CBFA2T2: variants seen among roughly 807,000 people sequenced by gnomAD.
The protein encoded by CBFA2T2 is CBFA2/RUNX1 partner transcriptional co-repressor 2, also known as protein CBFA2T2.
In CBFA2T2, 11 loss-of-function variants were observed where a neutral mutation model predicts 62.2. The ratio of observed to expected loss-of-function variants is 0.18; its 90% confidence interval spans 0.11 to 0.29. The LOEUF is 0.29. CBFA2T2 is among the 10% of genes least tolerant of loss of function. The pLI is 1.00. For synonymous variants in CBFA2T2, 295 were observed against 287.5 expected (o/e 1.03, Z -0.27); for missense variants, 592 against 774.1 (o/e 0.76, Z 2.79).
chr20:33,511,175 ATTGC>A (rs1279787648), intron 1 of CBFA2T2, among the ~76,000 whole-genome samples: 1 of 152,046 alleles, frequency 6.6e-6, no homozygotes, highest in African/African-American at 2.4e-5. Flanking sequence ...TTTTGTTGCC[ATTGC>A]TTTTGGTGTT....
intron 1 of CBFA2T2, among the ~76,000 whole-genome samples, chr20:33,570,939 C>A (rs897013613): frequency 2.6e-5 from 4 of 152,176 alleles, no homozygotes; most frequent in Non-Finnish European, 4.4e-5. Context: ...AGAAGCATGG[C>A]AAATAACCAC....
chr20:33,550,183 G>A (rs1218302384), intron 1 of CBFA2T2, among the ~76,000 whole-genome samples: 1 of 152,126 alleles, frequency 6.6e-6, no homozygotes, highest in Admixed American at 6.5e-5. Flanking sequence ...GGATGGGACA[G>A]GATGGTGAAA....
At chr20:33,508,281 G>A (rs1200341563) in intron 1 of CBFA2T2, among the ~76,000 whole-genome samples, 3 of 152,074 alleles carry the variant, frequency 2.0e-5, no homozygotes. Context: ...TTTTGGTAGA[G>A]ATGGAGTTTC....
chr20:33,508,542 G>A (rs2011445360), intron 1 of CBFA2T2, among the ~76,000 whole-genome samples: 1 of 152,042 alleles, frequency 6.6e-6, no homozygotes, highest in Admixed American at 6.6e-5. Flanking sequence ...TATTAGCCTA[G>A]TACCTGTTAT....
chr20:33,642,068 A>T (rs1056296922), intron 10 of CBFA2T2, among the ~76,000 whole-genome samples: 1 of 148,896 alleles, frequency 6.7e-6, no homozygotes, highest in African/African-American at 2.5e-5. Flanking sequence ...TAGTTTCTTT[A>T]ATCCCCCTCC....
intron 1 of CBFA2T2, among the ~76,000 whole-genome samples, chr20:33,576,294 C>T (rs2013823318): frequency 6.6e-6 from 1 of 152,198 alleles, no homozygotes; most frequent in Middle Eastern, 3.4e-3. Flanking sequence ...TAGCAGAGGT[C>T]TCATCTTAAT....
chr20:33,534,685 C>T (rs1234418708), intron 1 of CBFA2T2, among the ~76,000 whole-genome samples: 1 of 148,394 alleles, frequency 6.7e-6, no homozygotes, highest in East Asian at 2.0e-4. Context: ...CAGCGTATTA[C>T]TTGTCTATTT....
chr20:33,529,846 G>A (rs1040249064), intron 1 of CBFA2T2, among the ~76,000 whole-genome samples: 1 of 148,018 alleles, frequency 6.8e-6, no homozygotes, highest in Non-Finnish European at 1.5e-5. Flanking sequence ...GTGCAGTGGT[G>A]CAATCTGGGC....
chr20:33,640,309 G>A lies in CBFA2T2; in HGVS notation c.1298-32G>A, dbSNP rs144832090. On this transcript the variant is annotated intron_variant, in intron 9 of 10. Transcript: ENST00000342704. ...TGGGATGGGAGGGAAAAGATTTCTC[G>A]GCCAGTTGATTTTACTGTCACTTTC... is the stretch of plus-strand genomic sequence containing the variant. The A allele has an allele frequency of 8.8e-3, 13,986 of 1,592,918 alleles. 82 individuals are homozygous for A. The highest frequency in any genetic ancestry group is 9.0e-3 in the Non-Finnish European group (10,535 of 1,165,428).
At chr20:33,588,972 C>G (rs1454388843) in intron 1 of CBFA2T2, among the ~76,000 whole-genome samples, 1 of 151,778 alleles carries the variant, frequency 6.6e-6, no homozygotes, top group Non-Finnish European at 1.5e-5. Context: ...AAACAAGAAG[C>G]TGAAAGGAGG....
chr20:33,574,239 G>A, intron 1 of CBFA2T2: 1 of 1,613,460 alleles, frequency 6.2e-7, no homozygotes, highest in East Asian at 2.2e-5. Context: ...AAGAAATACA[G>A]GTCCTGGCAA....
chr20:33,624,069 G>A, intron 5 of CBFA2T2: 1 of 526,666 alleles, frequency 1.9e-6, no homozygotes, highest in Admixed American at 3.7e-5. Context: ...AAAAAGTATA[G>A]CAATTAATTA....
intron 1 of CBFA2T2, among the ~76,000 whole-genome samples, chr20:33,495,386 C>CAA (rs1214253879): frequency 3.9e-4 from 21 of 53,370 alleles, no homozygotes; most frequent in East Asian, 6.0e-4. Context: ...AACTCTATCT[C>CAA]AAAAAAAAAA....
chr20:33,603,287 T>C (rs2015209697), intron 1 of CBFA2T2, among the ~76,000 whole-genome samples: 1 of 152,238 alleles, frequency 6.6e-6, no homozygotes, highest in African/African-American at 2.4e-5. Flanking sequence ...TTTATTACTT[T>C]ATTCTTTCAT....
intron 1 of CBFA2T2, among the ~76,000 whole-genome samples, chr20:33,515,986 A>C (rs1018701085): frequency 2.0e-5 from 3 of 152,038 alleles, no homozygotes; most frequent in African/African-American, 7.2e-5. Flanking sequence ...TCTACAAAAC[A>C]TAAGAAAAAT....
chr20:33,600,182 GTTTTT>G (rs1183371343), intron 1 of CBFA2T2, among the ~76,000 whole-genome samples: 2 of 62,048 alleles, frequency 3.2e-5, no homozygotes, highest in South Asian at 7.0e-4. Flanking sequence ...CTTTTGGAAA[GTTTTT>G]TTTTTTTTTT....
At chr20:33,571,443 A>C (rs756904418) in intron 1 of CBFA2T2, among the ~76,000 whole-genome samples, 1 of 152,208 alleles carries the variant, frequency 6.6e-6, no homozygotes, top group African/African-American at 2.4e-5. Context: ...TGTACTTGAC[A>C]TAAAATCTAA....
At chr20:33,542,945 C>G (rs1001132203) in intron 1 of CBFA2T2, among the ~76,000 whole-genome samples, 1 of 152,106 alleles carries the variant, frequency 6.6e-6, no homozygotes, top group African/African-American at 2.4e-5. Context: ...GAATTACAGG[C>G]TTGAACCACC....
intron 1 of CBFA2T2, among the ~76,000 whole-genome samples, chr20:33,504,085 C>T (rs183046679): frequency 6.6e-6 from 1 of 152,132 alleles, no homozygotes; most frequent in East Asian, 1.9e-4. Flanking sequence ...GCTTGTTTCT[C>T]TACTTTTTCT....
Sources: allele counts gnomAD v4.1 joint callset (sites outside exome capture counted in the v4.1 genomes callset), GRCh38; gene constraint gnomAD v4.1.1; transcripts MANE v1.5; gene names NCBI Gene and HGNC (gene_info 2026-07-23, HGNC 2026-07-21).